The following LEKR1 variants were observed in gnomAD, a reference collection of about 807,000 sequenced individuals.
LEKR1 encodes leucine, glutamate and lysine rich 1, also known as protein LEKR1.
Under a neutral mutation model 72.4 loss-of-function variants are expected in LEKR1, and 59 were observed. That is an observed-to-expected ratio of 0.82 (90% CI 0.66 to 1.01). LEKR1 has a LOEUF of 1.01. LEKR1 is among the 50% of genes least tolerant of loss of function. LEKR1 has a pLI of 0.00. For synonymous variants in LEKR1, 257 were observed against 263.2 expected (o/e 0.98, Z 0.23); for missense variants, 728 against 759.2 (o/e 0.96, Z 0.48).
chr3:156,884,212 A>AT (rs959330542), intron 3 of LEKR1, among the ~76,000 whole-genome samples: 2 of 151,944 alleles, frequency 1.3e-5, no homozygotes, highest in Non-Finnish European at 2.9e-5. Context: ...TGGTTGGTGG[A>AT]TTTTCATCCA....
chr3:157,028,870 C>T (rs1403389308), intron 12 of LEKR1, among the ~76,000 whole-genome samples: 1 of 152,114 alleles, frequency 6.6e-6, no homozygotes, highest in Non-Finnish European at 1.5e-5. Flanking sequence ...ATGCATGCGT[C>T]GGTTTTCTTT....
chr3:156,988,818 TA>T (rs770369801), intron 7 of LEKR1: 4 of 154,566 alleles, frequency 2.6e-5, no homozygotes, highest in Non-Finnish European at 4.3e-5. Context: ...GAATATACTT[TA>T]TGCACTGTTT....
chr3:156,943,224 A>G (rs9862929), intron 6 of LEKR1, among the ~76,000 whole-genome samples: 4,454 of 152,090 alleles, frequency 0.029, 235 homozygotes, highest in African/African-American at 0.1. Context: ...GAAGAATGAT[A>G]TCACAAAAGC....
intron 9 of LEKR1, among the ~76,000 whole-genome samples, chr3:156,999,784 C>CTG (rs1450932243): frequency 3.3e-5 from 5 of 152,192 alleles, no homozygotes; most frequent in Non-Finnish European, 2.9e-5. Context: ...GTTAGCAGAG[C>CTG]TGTGGCCTGC....
intron 3 of LEKR1, among the ~76,000 whole-genome samples, chr3:156,903,352 C>G (rs1338367030): frequency 6.6e-6 from 1 of 151,932 alleles, no homozygotes; most frequent in East Asian, 1.9e-4. Flanking sequence ...ATAATTATTT[C>G]CCTTAATTCC....
At chr3:157,044,309 G>T (rs1032716759) in intron 12 of LEKR1, among the ~76,000 whole-genome samples, 5 of 152,208 alleles carry the variant, frequency 3.3e-5, no homozygotes, top group Non-Finnish European at 5.9e-5. Context: ...AGACATGAAT[G>T]TCAGGACACT....
chr3:156,942,918 G>A, intron 6 of LEKR1: 1 of 289,758 alleles, frequency 3.5e-6, no homozygotes, highest in South Asian at 3.0e-5. Flanking sequence ...CATTTAGTGT[G>A]GTAAGACTTA....
rs934981171 is a variant in LEKR1, at chr3:156,850,244, T to C, written c.49-2524T>C. Among the ~76,000 whole-genome samples, 3 of 151,106 alleles carry C rather than the reference T, an allele frequency of 2.0e-5. No homozygotes were observed. In the East Asian group the frequency reaches 5.8e-4, roughly 29 times the overall value. On this transcript the variant is annotated intron_variant, in intron 2 of 12. Transcript: ENST00000356539. ...TGTGAGTCTAAGATAATATAAGATA[T>C]ATATTTTTATATATTTTATATATTT...
chr3:157,033,570 A>C (rs896201653), intron 12 of LEKR1, among the ~76,000 whole-genome samples: 1 of 152,162 alleles, frequency 6.6e-6, no homozygotes, highest in African/African-American at 2.4e-5. Context: ...AAAAATTGGA[A>C]GCTAGCAGTG....
intron 6 of LEKR1, among the ~76,000 whole-genome samples, chr3:156,949,821 A>G (rs1208248909): frequency 2.0e-5 from 3 of 151,338 alleles, no homozygotes; most frequent in Admixed American, 6.6e-5. Context: ...ATCAGTTTTC[A>G]TAATAGAAAT....
chr3:156,941,177 T>C (rs1245704597), intron 5 of LEKR1, among the ~76,000 whole-genome samples: 1 of 152,098 alleles, frequency 6.6e-6, no homozygotes, highest in African/African-American at 2.4e-5. Flanking sequence ...TTAGACTATA[T>C]TAGAATCCCA....
intron 3 of LEKR1, among the ~76,000 whole-genome samples, chr3:156,915,060 G>A (rs563787795): frequency 6.6e-6 from 1 of 152,094 alleles, no homozygotes; most frequent in East Asian, 1.9e-4. Flanking sequence ...CTATTGCTGT[G>A]TTAGCTTGCT....
chr3:156,983,905 G>A (rs902506995), intron 7 of LEKR1, among the ~76,000 whole-genome samples: 1 of 152,058 alleles, frequency 6.6e-6, no homozygotes, highest in Admixed American at 6.6e-5. Flanking sequence ...AAGATTACTA[G>A]GTATGTGAAG....
intron 3 of LEKR1, among the ~76,000 whole-genome samples, chr3:156,873,284 C>A (rs1560041554): frequency 6.6e-6 from 1 of 151,826 alleles, no homozygotes; most frequent in Non-Finnish European, 1.5e-5. Flanking sequence ...TTTTGCATCT[C>A]TTTCTTTTCA....
chr3:157,044,995 G>C (rs1179618550), intron 12 of LEKR1, among the ~76,000 whole-genome samples: 1 of 152,200 alleles, frequency 6.6e-6, no homozygotes, highest in Non-Finnish European at 1.5e-5. Context: ...TTGAGGCAGA[G>C]AAGTTGAAAC....
intron 3 of LEKR1, among the ~76,000 whole-genome samples, chr3:156,865,345 C>A (rs1303113049): frequency 6.6e-6 from 1 of 151,990 alleles, no homozygotes; most frequent in Non-Finnish European, 1.5e-5. Flanking sequence ...AATACTAATA[C>A]TACCTTTGTC....
chr3:156,909,930 A>AT (rs1474145840), intron 3 of LEKR1, among the ~76,000 whole-genome samples: 1 of 152,050 alleles, frequency 6.6e-6, no homozygotes, highest in Non-Finnish European at 1.5e-5. Flanking sequence ...TTTAAAAAGC[A>AT]TTTTTCTGGA....
intron 12 of LEKR1, among the ~76,000 whole-genome samples, chr3:157,030,138 T>TGA (rs1217775972): frequency 1.3e-5 from 2 of 152,018 alleles, no homozygotes; most frequent in African/African-American, 4.8e-5. Context: ...CATCACATGG[T>TGA]GAGAGAGAGG....
intron 3 of LEKR1, among the ~76,000 whole-genome samples, chr3:156,866,456 C>A: frequency 6.6e-6 from 1 of 152,016 alleles, no homozygotes; most frequent in Non-Finnish European, 1.5e-5. Flanking sequence ...ATGAGCATGA[C>A]ATTTTAAGAA....
Sources: gnomAD v4.1 joint callset for allele counts (sites outside exome capture counted in the v4.1 genomes callset) on GRCh38, gnomAD v4.1.1 for gene constraint, MANE v1.5 for transcripts, NCBI Gene and HGNC (gene_info 2026-07-23, HGNC 2026-07-21) for gene names.